SEMA3A: variants seen among roughly 807,000 people sequenced by gnomAD.
SEMA3A encodes the protein semaphorin-3A.
Under a neutral mutation model 97.9 loss-of-function variants are expected in SEMA3A, and 29 were observed. The observed-to-expected ratio is 0.30, with a 90% CI of 0.22 to 0.40. SEMA3A has a LOEUF of 0.40. Among genes scored for constraint, SEMA3A ranks in the 10% least tolerant of loss-of-function variants. SEMA3A has a pLI of 1.00. For missense variants in SEMA3A, 763 were observed against 951.3 expected (o/e 0.80, Z 2.60); for synonymous variants, 321 against 323.7 (o/e 0.99, Z 0.09).
intron 2 of SEMA3A, among the ~76,000 whole-genome samples, chr7:84,366,124 T>C (rs1284525564): frequency 6.6e-6 from 1 of 151,438 alleles, no homozygotes; most frequent in Non-Finnish European, 1.5e-5. Context: ...TAAAAGACTC[T>C]TGACCTGTCT....
At chr7:84,385,623 G>T (rs932441612) in intron 1 of SEMA3A, among the ~76,000 whole-genome samples, 7 of 151,858 alleles carry the variant, frequency 4.6e-5, no homozygotes, top group Non-Finnish European at 8.8e-5. Flanking sequence ...ATATAACAGG[G>T]TTACTAGAAA....
intron 1 of SEMA3A, among the ~76,000 whole-genome samples, chr7:84,139,181 A>G (rs1474215871): frequency 1.3e-5 from 2 of 152,116 alleles, no homozygotes; most frequent in Admixed American, 6.5e-5. Flanking sequence ...CATCTTGCCT[A>G]TGCTCATATT....
At chr7:84,031,928 C>T (rs1276283002) in intron 6 of SEMA3A, among the ~76,000 whole-genome samples, 1 of 152,086 alleles carries the variant, frequency 6.6e-6, no homozygotes, top group African/African-American at 2.4e-5. Flanking sequence ...TCAGAATCTA[C>T]AGATAAAAAC....
At chr7:84,420,471 A>G (rs1045762946) in intron 1 of SEMA3A, among the ~76,000 whole-genome samples, 4 of 152,108 alleles carry the variant, frequency 2.6e-5, no homozygotes, top group Admixed American at 2.0e-4. Context: ...AAATAACAGC[A>G]GACTTGAAGA....
intron 1 of SEMA3A, among the ~76,000 whole-genome samples, chr7:84,483,586 T>G (rs918226929): frequency 2.0e-5 from 3 of 152,190 alleles, no homozygotes; most frequent in Admixed American, 2.0e-4. Flanking sequence ...CTGCCTGAAT[T>G]GGTGCCCCAA....
chr7:84,044,762 A>G (rs956810511), intron 6 of SEMA3A, among the ~76,000 whole-genome samples: 2 of 152,032 alleles, frequency 1.3e-5, no homozygotes, highest in Non-Finnish European at 2.9e-5. Context: ...TTTGTGGCAT[A>G]CCATGAGAGA....
intron 4 of SEMA3A, among the ~76,000 whole-genome samples, chr7:84,065,518 G>C (rs368048597): frequency 6.7e-6 from 1 of 149,428 alleles, no homozygotes; most frequent in African/African-American, 2.5e-5. Flanking sequence ...TTGATAGACC[G>C]CTAGCAAGAC....
intron 4 of SEMA3A, among the ~76,000 whole-genome samples, chr7:84,099,294 T>A (rs1420741227): frequency 1.8e-5 from 1 of 56,222 alleles, no homozygotes; most frequent in Admixed American, 2.8e-4. Flanking sequence ...ATGGTCTCGA[T>A]CTCCTGACCT....
At chr7:84,405,879 T>A (rs972665275) in intron 1 of SEMA3A, among the ~76,000 whole-genome samples, 1 of 152,072 alleles carries the variant, frequency 6.6e-6, no homozygotes, top group Non-Finnish European at 1.5e-5. Flanking sequence ...TACCAGAATC[T>A]CTGGGACACA....
intron 3 of SEMA3A, among the ~76,000 whole-genome samples, chr7:84,226,377 G>A (rs2116346367): frequency 6.6e-6 from 1 of 152,068 alleles, no homozygotes; most frequent in South Asian, 2.1e-4. Context: ...AAAAAACAGA[G>A]GCTTAGAGAA....
intron 1 of SEMA3A, among the ~76,000 whole-genome samples, chr7:84,143,960 C>CACAT: frequency 7.1e-6 from 1 of 140,182 alleles, no homozygotes; most frequent in East Asian, 2.2e-4. Flanking sequence ...AACACACACA[C>CACAT]ACACACACAC....
chr7:83,984,115 A>G (rs1789533047), intron 13 of SEMA3A, among the ~76,000 whole-genome samples: 1 of 152,188 alleles, frequency 6.6e-6, no homozygotes, highest in Non-Finnish European at 1.5e-5. Context: ...AAAATGTAAA[A>G]CAGAAAGAAA....
intron 2 of SEMA3A, among the ~76,000 whole-genome samples, chr7:84,316,691 A>AT (rs1801511665): frequency 6.6e-6 from 1 of 152,104 alleles, no homozygotes; most frequent in Non-Finnish European, 1.5e-5. Flanking sequence ...TATAAAGTGG[A>AT]TTTTTTTATC....
rs532471709 is a variant in SEMA3A at position 84,081,363 on chromosome 7, A to C, written c.454-20805T>G. Among the ~76,000 whole-genome samples, 264 of 152,008 alleles carry C rather than the reference A, an allele frequency of 1.7e-3. 1 individual carries two copies. The highest frequency in any genetic ancestry group is 4.6e-3 in the South Asian group (22 of 4,822). ...ATCCCAGCACTTTGGGAGGCCAAGG[A>C]GGGCGGATCACGAGGTCAGGAGATC... is the stretch of plus-strand genomic sequence containing the variant. On this transcript the variant is annotated intron_variant, in intron 4 of 16. Transcript: ENST00000265362.
chr7:84,108,325 A>T (rs567386716), intron 4 of SEMA3A, among the ~76,000 whole-genome samples: 8 of 149,582 alleles, frequency 5.3e-5, no homozygotes, highest in African/African-American at 1.9e-4. Flanking sequence ...GATGGGATTA[A>T]AACTCCTTGA....
At chr7:84,088,849 C>T (rs778557825) in intron 4 of SEMA3A, among the ~76,000 whole-genome samples, 6 of 151,988 alleles carry the variant, frequency 3.9e-5, no homozygotes, top group Non-Finnish European at 8.8e-5. Flanking sequence ...ATGATTAATA[C>T]ATGAAAGTAT....
intron 2 of SEMA3A, among the ~76,000 whole-genome samples, chr7:84,133,886 T>C (rs1351189675): frequency 2.5e-5 from 2 of 78,858 alleles, no homozygotes; most frequent in East Asian, 7.6e-4. Context: ...TCGTCTCTAC[T>C]AAAAAAAAAA....
intron 1 of SEMA3A, among the ~76,000 whole-genome samples, chr7:84,186,579 C>G (rs1421287005): frequency 6.6e-6 from 1 of 152,054 alleles, no homozygotes; most frequent in Non-Finnish European, 1.5e-5. Context: ...GTGTAAACAA[C>G]TTTGTTTTAG....
At chr7:84,233,048 T>C (rs1799151136) in intron 3 of SEMA3A, among the ~76,000 whole-genome samples, 1 of 151,944 alleles carries the variant, frequency 6.6e-6, no homozygotes, top group Non-Finnish European at 1.5e-5. Context: ...GTCTTTGGAG[T>C]TATTCTACTT....
Sources: gnomAD v4.1 joint callset for allele counts (sites outside exome capture counted in the v4.1 genomes callset) on GRCh38, gnomAD v4.1.1 for gene constraint, MANE v1.5 for transcripts, NCBI Gene and HGNC (gene_info 2026-07-23, HGNC 2026-07-21) for gene names.